DTNA: variants seen among roughly 807,000 people sequenced by gnomAD.
DTNA encodes dystrobrevin alpha, also known as dystrophin-related protein 3.
A neutral mutation model predicts 100.7 loss-of-function variants in DTNA; 43 were observed. The observed-to-expected ratio is 0.43, with a 90% CI of 0.33 to 0.55. DTNA has a LOEUF of 0.55. Among genes scored for constraint, DTNA ranks in the 20% least tolerant of loss-of-function variants. The pLI, the probability that DTNA is intolerant of heterozygous loss-of-function variation, is 0.04. For missense variants in DTNA, 798 were observed against 953.9 expected (o/e 0.84, Z 2.15); for synonymous variants, 349 against 347.9 (o/e 1.00, Z -0.04).
chr18:34,665,379 AT>A (rs1198754597), intron 1 of DTNA, among the ~76,000 whole-genome samples: 8 of 152,126 alleles, frequency 5.3e-5, no homozygotes, highest in African/African-American at 1.9e-4. Context: ...TGAAAACAAG[AT>A]TTATGATTGG....
At chr18:34,691,651 A>T (rs1036871574) in intron 1 of DTNA, among the ~76,000 whole-genome samples, 2 of 152,108 alleles carry the variant, frequency 1.3e-5, no homozygotes, top group African/African-American at 4.8e-5. Flanking sequence ...CTCACTGCCT[A>T]CCTTTGCTTC....
chr18:34,820,327 T>G (rs887287661), intron 8 of DTNA, among the ~76,000 whole-genome samples: 7 of 152,136 alleles, frequency 4.6e-5, no homozygotes, highest in African/African-American at 1.7e-4. Flanking sequence ...TAGAATCAGG[T>G]CTGATGCTGT....
chr18:34,878,995 T>C (rs995726555), intron 19 of DTNA, among the ~76,000 whole-genome samples: 3 of 152,252 alleles, frequency 2.0e-5, no homozygotes, highest in Admixed American at 1.3e-4. Context: ...AATAAAAAGA[T>C]AGTAGTTAAT....
intron 1 of DTNA, among the ~76,000 whole-genome samples, chr18:34,679,002 G>A (rs752418462): frequency 7.2e-5 from 11 of 152,142 alleles, no homozygotes; most frequent in Non-Finnish European, 1.6e-4. Context: ...TCCATCAGAG[G>A]AAATGTTAGT....
intron 3 of DTNA, among the ~76,000 whole-genome samples, chr18:34,780,966 T>A (rs1271809677): frequency 6.6e-6 from 1 of 152,236 alleles, no homozygotes; most frequent in Non-Finnish European, 1.5e-5. Context: ...GTTAATGTCC[T>A]CATGCTTCTA....
At chr18:34,537,862 A>T (rs1394485594) in intron 1 of DTNA, among the ~76,000 whole-genome samples, 1 of 152,024 alleles carries the variant, frequency 6.6e-6, no homozygotes, top group Non-Finnish European at 1.5e-5. Context: ...TTGAAAAAAT[A>T]TGTTATAAAT....
intron 1 of DTNA, among the ~76,000 whole-genome samples, chr18:34,551,447 G>T (rs2045404310): frequency 6.6e-6 from 1 of 152,144 alleles, no homozygotes; most frequent in East Asian, 1.9e-4. Context: ...CCATTCAGCA[G>T]CCAGAAAGGC....
At chr18:34,855,238 G>T (rs1823317090) in intron 15 of DTNA, among the ~76,000 whole-genome samples, 1 of 152,214 alleles carries the variant, frequency 6.6e-6, no homozygotes, top group South Asian at 2.1e-4. Flanking sequence ...CCAGACCAAA[G>T]AATTTTAATT....
intron 1 of DTNA, among the ~76,000 whole-genome samples, chr18:34,611,547 G>T (rs2054211079): frequency 6.6e-6 from 1 of 152,076 alleles, no homozygotes; most frequent in Non-Finnish European, 1.5e-5. Context: ...GTGAAAAGTG[G>T]CACCCGAGAC....
chr18:34,671,401 G>C (rs2076740370), intron 1 of DTNA, among the ~76,000 whole-genome samples: 1 of 152,110 alleles, frequency 6.6e-6, no homozygotes, highest in Admixed American at 6.5e-5. Flanking sequence ...GCCTCGCCCT[G>C]CTTTGGCTCA....
upstream of DTNA, among the ~76,000 whole-genome samples, chr18:34,706,552 A>G (rs988391530): frequency 1.3e-5 from 2 of 152,196 alleles, no homozygotes; most frequent in African/African-American, 4.8e-5. Context: ...CAAAAATGAT[A>G]TGGCAAAATG....
chr18:34,671,853 G>A (rs959818920), intron 1 of DTNA, among the ~76,000 whole-genome samples: 1 of 152,126 alleles, frequency 6.6e-6, no homozygotes, highest in African/African-American at 2.4e-5. Flanking sequence ...GAAGTGTGCA[G>A]TGGGCTTCTC....
intron 1 of DTNA, among the ~76,000 whole-genome samples, chr18:34,742,744 C>T (rs1449499685): frequency 7.0e-6 from 1 of 142,248 alleles, no homozygotes; most frequent in Non-Finnish European, 1.5e-5. Context: ...AGTATGGCCT[C>T]TCTCAGAGTT....
chr18:34,842,272 A>C (rs1433139230), intron 13 of DTNA, among the ~76,000 whole-genome samples: 1 of 152,206 alleles, frequency 6.6e-6, no homozygotes, highest in East Asian at 1.9e-4. Context: ...TCTCAAGTAC[A>C]AGAAAGTGTA....
At chr18:34,637,514 C>T (rs368500680) in intron 1 of DTNA, among the ~76,000 whole-genome samples, 5 of 152,294 alleles carry the variant, frequency 3.3e-5, no homozygotes, top group Non-Finnish European at 5.9e-5. Context: ...TAATTAAAGC[C>T]TATTCCGTTT....
At chr18:34,529,111 A>G (rs1475330601) in intron 1 of DTNA, among the ~76,000 whole-genome samples, 1 of 152,142 alleles carries the variant, frequency 6.6e-6, no homozygotes, top group African/African-American at 2.4e-5. Flanking sequence ...TGAGGAAAAG[A>G]CGTAAAGGAT....
chr18:34,787,300 A>C (rs1361673850), intron 3 of DTNA, among the ~76,000 whole-genome samples: 1 of 152,174 alleles, frequency 6.6e-6, no homozygotes, highest in Non-Finnish European at 1.5e-5. Flanking sequence ...GTTTTGTCAA[A>C]ACCCTTTTCC....
At position 34,887,909 on chromosome 18, in the gene DTNA, G is replaced by C; in HGVS notation, c.*175G>C. The C allele has an allele frequency of 1.0e-6, 1 of 986,826 alleles. No homozygotes were observed. The highest frequency in any genetic ancestry group is 1.2e-6 in the Non-Finnish European group (1 of 830,246). The allele number at this position is 986,826 out of a possible 1,614,324, so 61.1% of individuals were successfully genotyped here. On this transcript the variant is annotated 3_prime_UTR_variant, in exon 23 of 23. Coordinates refer to ENST00000444659, the MANE Select transcript of DTNA (RefSeq NM_001386795.1). ...CCACCACACCCAGCAGCTCCTGACAGACCCCCACCCCTAAAGATGTGTCCT... is the reference window on the plus strand; with the variant it reads ...CCACCACACCCAGCAGCTCCTGACACACCCCCACCCCTAAAGATGTGTCCT...
At chr18:34,741,335 G>A (rs1208965235) in intron 1 of DTNA, among the ~76,000 whole-genome samples, 1 of 152,060 alleles carries the variant, frequency 6.6e-6, no homozygotes, top group East Asian at 1.9e-4. Flanking sequence ...ATGTGGTATT[G>A]GGGTTACAAT....
Sources: allele counts gnomAD v4.1 joint callset (sites outside exome capture counted in the v4.1 genomes callset), GRCh38; gene constraint gnomAD v4.1.1; transcripts MANE v1.5; gene names NCBI Gene and HGNC (gene_info 2026-07-23, HGNC 2026-07-21).